The following WDPCP variants were observed in gnomAD, a reference collection of about 807,000 sequenced individuals.
The protein encoded by WDPCP is WD repeat-containing and planar cell polarity effector protein fritz homolog.
A neutral mutation model predicts 93.1 loss-of-function variants in WDPCP; 71 were observed. That is an observed-to-expected ratio of 0.76 (90% CI 0.63 to 0.93). The LOEUF (loss-of-function observed/expected upper bound fraction) is 0.93, where lower values mean the gene tolerates loss of function less well. Among genes scored for constraint, WDPCP ranks in the 40% least tolerant of loss-of-function variants. The probability of loss-of-function intolerance (pLI) is 0.00; values close to 1 mark genes in which losing one functional copy is unlikely to be tolerated. For synonymous variants in WDPCP, 315 were observed against 315.0 expected, an observed-to-expected ratio of 1.00 and a Z score of 0.00; for missense variants, 844 against 887.4, an observed-to-expected ratio of 0.95 and a Z score of 0.62.
At chr2:63,649,062 C>T (rs757626746) in intron 3 of WDPCP, among the ~76,000 whole-genome samples, 24 of 152,080 alleles carry the variant, frequency 1.6e-4, no homozygotes, top group Non-Finnish European at 1.9e-4. Context: ...AACATATTCA[C>T]CATTTTGTAT....
rs1462790647 is a variant in WDPCP, at chr2:63,439,769, T to C, written c.487A>G (p.Thr163Ala). 1.2e-6 allele frequency: 2 copies of C among 1,612,942 alleles called. No homozygotes were observed. Among genetic ancestry groups the C allele is most frequent in the Non-Finnish European group, 1.7e-6 (2 of 1,179,270 alleles). The change falls in exon 7 of 18, where the codon ACC becomes GCC. Residue 163 changes from threonine to alanine, a missense_variant. Coordinates refer to ENST00000272321, the MANE Select transcript of WDPCP (RefSeq NM_015910.7). Reference protein sequence around the residue: ...RSLVGKLISDTISDALLTDSF... With the variant: ...RSLVGKLISDAISDALLTDSF... ...TGGGGGTAATTACCATCACTGATGG[T>C]GTCTGAGATGAGCTTCCCCACCAGG...
At chr2:63,745,328 C>A (rs2103865920) in intron 2 of WDPCP, among the ~76,000 whole-genome samples, 1 of 152,324 alleles carries the variant, frequency 6.6e-6, no homozygotes, top group East Asian at 1.9e-4. Flanking sequence ...GTTTTAATAT[C>A]TCATTTCATA....
At chr2:63,794,854 TTCTA>T (rs1670591939) in intron 2 of WDPCP, among the ~76,000 whole-genome samples, 1 of 152,258 alleles carries the variant, frequency 6.6e-6, no homozygotes, top group Admixed American at 6.5e-5. Flanking sequence ...ACCAGCACTC[TTCTA>T]TCTAGTCATT....
chr2:63,403,565 T>C (rs1033198931), intron 10 of WDPCP: 3 of 154,330 alleles, frequency 1.9e-5, no homozygotes, highest in Admixed American at 1.9e-4. Flanking sequence ...TACAGGTATC[T>C]TCAGCAAATT....
At chr2:63,574,944 A>G (rs1336827270) in intron 1 of WDPCP, among the ~76,000 whole-genome samples, 1 of 152,208 alleles carries the variant, frequency 6.6e-6, no homozygotes, top group African/African-American at 2.4e-5. Context: ...CTGGCATAAT[A>G]TCATTATTGA....
intron 1 of WDPCP, among the ~76,000 whole-genome samples, chr2:63,565,757 T>C (rs570731669): frequency 6.6e-6 from 1 of 152,324 alleles, no homozygotes; most frequent in South Asian, 2.1e-4. Flanking sequence ...AGAAAAGTTG[T>C]AAACCTGAGC....
At chr2:63,572,391 ATGT>A (rs973900191) in intron 1 of WDPCP, among the ~76,000 whole-genome samples, 8 of 152,198 alleles carry the variant, frequency 5.3e-5, no homozygotes, top group Admixed American at 3.9e-4. Context: ...TATTTCTAAT[ATGT>A]TGTTATTAAT....
intron 3 of WDPCP, 35 bp downstream of exon 3, chr2:63,487,412 T>C: frequency 6.9e-7 from 1 of 1,446,868 alleles, no homozygotes; most frequent in South Asian, 1.2e-5. Flanking sequence ...AATATTTAGT[T>C]AATAAAAATT....
chr2:63,403,903 G>C, intron 10 of WDPCP, 145 bp downstream of exon 10: 1 of 1,109,512 alleles, frequency 9.0e-7, no homozygotes, highest in Admixed American at 2.4e-5. Flanking sequence ...ATCCACAAAA[G>C]GGAACTATAT....
At chr2:63,394,685 C>T (rs796452190) in intron 10 of WDPCP, among the ~76,000 whole-genome samples, 1 of 152,130 alleles carries the variant, frequency 6.6e-6, no homozygotes, top group South Asian at 2.1e-4. Context: ...GGTACATATA[C>T]ACCATGGAAT....
intron 15 of WDPCP, among the ~76,000 whole-genome samples, chr2:63,169,274 A>G (rs1188332923): frequency 6.6e-6 from 1 of 152,200 alleles, no homozygotes; most frequent in Non-Finnish European, 1.5e-5. Context: ...AATTTCCTAT[A>G]TTGAAAACTG....
intron 13 of WDPCP, among the ~76,000 whole-genome samples, chr2:63,295,382 C>G (rs913527538): frequency 4.6e-5 from 7 of 151,658 alleles, no homozygotes; most frequent in African/African-American, 1.7e-4. Flanking sequence ...CAACTATACG[C>G]TGTAAGAGAT....
chr2:63,609,576 C>T (rs571029960), intron 3 of WDPCP, among the ~76,000 whole-genome samples: 1 of 152,246 alleles, frequency 6.6e-6, no homozygotes. Flanking sequence ...AGCATGAAAA[C>T]TAATTTCATG....
At position 63,568,926 on chromosome 2, in the gene WDPCP, T is replaced by C. The variant is rs192204915; in HGVS notation, c.75+19271A>G. ...ATCACGGCTAGCAGATATTTAAGAA[T>C]GTTAGCACAGGTCTTTGAACAAATT... On this transcript the variant is annotated intron_variant, in intron 1 of 17. Coordinates refer to ENST00000272321, the MANE Select transcript of WDPCP (RefSeq NM_015910.7). Among the ~76,000 whole-genome samples the C allele has an allele frequency of 8.9e-3, 1,357 of 152,378 alleles. 8 individuals are homozygous for C. The highest frequency in any genetic ancestry group is 0.016 in the Admixed American group (239 of 15,308).
chr2:63,794,096 A>G (rs903127956), intron 2 of WDPCP, among the ~76,000 whole-genome samples: 16 of 152,164 alleles, frequency 1.1e-4, no homozygotes, highest in African/African-American at 3.6e-4. Flanking sequence ...CAACCCGGCC[A>G]TGTCATGCAA....
rs1032985988 is a variant in WDPCP, at chr2:63,751,193, A to G, written n.308+62429T>C. Among the ~76,000 whole-genome samples, 5 of 152,260 alleles carry G rather than the reference A, an allele frequency of 3.3e-5. No homozygotes were observed. The East Asian group carries it at 5.8e-4, about 18-fold the overall frequency. On this transcript the variant is annotated intron_variant and non_coding_transcript_variant, in intron 2 of 4. Transcript: ENST00000467687. ...ACCTGTATTGACTTTGGTAAATTGCATTTTTCAAAGAACTTATCCATTTTA... is the reference window on the plus strand; with the variant it reads ...ACCTGTATTGACTTTGGTAAATTGCGTTTTTCAAAGAACTTATCCATTTTA...
intron 14 of WDPCP, among the ~76,000 whole-genome samples, chr2:63,175,093 C>T (rs550358192): frequency 4.6e-5 from 7 of 152,094 alleles, no homozygotes; most frequent in African/African-American, 9.6e-5. Context: ...GTGTTTTTAA[C>T]GAGCATATTA....
At position 63,444,399 on chromosome 2, in the gene WDPCP, G is replaced by A. The variant is rs116578075; in HGVS notation, c.385-4528C>T. Among the ~76,000 whole-genome samples, 847 of 152,270 alleles carry A rather than the reference G, an allele frequency of 5.6e-3. 6 individuals carry two copies. The highest frequency in any genetic ancestry group is 0.01 in the Middle Eastern group (3 of 294). On this transcript the variant is annotated intron_variant, in intron 6 of 17. Coordinates refer to ENST00000272321, the MANE Select transcript of WDPCP (RefSeq NM_015910.7). ...GGTGCCAAAAATACTCCTGGATATT[G>A]TAAAGGAGACAACTAGAGTTAGAAA...
At position 63,626,976 on chromosome 2, in the gene WDPCP, A is replaced by T. The variant is rs1351236686; in HGVS notation, n.488+23683T>A. On this transcript the variant is annotated intron_variant and non_coding_transcript_variant, in intron 3 of 4. Transcript: ENST00000467687. ...GTATCCCAGAACTTAAAGCATAATT[A>T]AAAAAAAAAAAAGCCCAAGAGAATA... Among the ~76,000 whole-genome samples the T allele has an allele frequency of 6.5e-5, 9 of 138,108 alleles. No individual in the cohort carries two copies. The East Asian group carries it at 1.2e-3, about 18-fold the overall frequency. 90.6% of individuals were successfully genotyped at this position (138,108 alleles called of 152,430 possible).
Sources: gnomAD v4.1 joint callset for allele counts (sites outside exome capture counted in the v4.1 genomes callset) on GRCh38, gnomAD v4.1.1 for gene constraint, MANE v1.5 for transcripts, NCBI Gene and HGNC (gene_info 2026-07-23, HGNC 2026-07-21) for gene names.